DLG5: variants seen among roughly 807,000 people sequenced by gnomAD.
DLG5 encodes disks large homolog 5.
In DLG5, 48 loss-of-function variants were observed where a neutral mutation model predicts 189.8. The observed-to-expected ratio is 0.25, with a 90% CI of 0.20 to 0.32. The LOEUF (loss-of-function observed/expected upper bound fraction) is 0.32, where lower values mean the gene tolerates loss of function less well. Ranked by LOEUF, DLG5 falls within the 10% of genes least tolerant of loss-of-function variation. The pLI is 1.00. For missense variants in DLG5, 2,160 were observed against 2,544.7 expected (o/e 0.85, Z 3.25); for synonymous variants, 1,016 against 1,054.1 (o/e 0.96, Z 0.70).
At chr10:77,807,738 C>T (rs1459107896) in intron 25 of DLG5, 58 bp downstream of exon 25, 4 of 1,572,990 alleles carry the variant, frequency 2.5e-6, no homozygotes, top group Non-Finnish European at 3.5e-6. Context: ...AAAAGAGTCT[C>T]CAGTGAAAGC....
chr10:77,861,545 C>A (rs1043020838), intron 2 of DLG5, among the ~76,000 whole-genome samples: 4 of 152,188 alleles, frequency 2.6e-5, no homozygotes, highest in Non-Finnish European at 5.9e-5. Context: ...TCTCAGTCTA[C>A]AGCCATGAGG....
chr10:77,833,422 GTGTCTCTTCC>G (rs1200502872), intron 9 of DLG5, among the ~76,000 whole-genome samples: 1 of 152,224 alleles, frequency 6.6e-6, no homozygotes, highest in Non-Finnish European at 1.5e-5. Flanking sequence ...ACCTTGGTCT[GTGTCTCTTCC>G]TGCGCACTGT....
chr10:77,874,294 G>C (rs537564074), intron 1 of DLG5, among the ~76,000 whole-genome samples: 1 of 152,256 alleles, frequency 6.6e-6, no homozygotes, highest in South Asian at 2.1e-4. Context: ...GCTGTGTGCT[G>C]TTAGGTAAGT....
At chr10:77,839,298 C>T (rs1167346288) in intron 7 of DLG5, among the ~76,000 whole-genome samples, 2 of 152,060 alleles carry the variant, frequency 1.3e-5, no homozygotes, top group African/African-American at 2.4e-5. Flanking sequence ...GTCAGGAATT[C>T]GAGACTAGCC....
chr10:77,860,131 C>A (rs1453155937), intron 2 of DLG5, among the ~76,000 whole-genome samples: 1 of 152,238 alleles, frequency 6.6e-6, no homozygotes, highest in East Asian at 1.9e-4. Context: ...ACATCGTCCC[C>A]ATTTCACAGG....
intron 9 of DLG5, among the ~76,000 whole-genome samples, chr10:77,831,960 C>A (rs1842913589): frequency 6.6e-6 from 1 of 152,236 alleles, no homozygotes. Context: ...GTAATCCCAG[C>A]ACTTCAGGAG....
At position 77,807,006 on chromosome 10, in the gene DLG5, C is replaced by T. The variant is rs553972441; in HGVS notation, c.4797-78G>A. 1.4e-5 allele frequency: 21 copies of T among 1,515,344 alleles called. No homozygotes were observed. In the East Asian group the frequency reaches 4.4e-4, roughly 31 times the overall value. The allele number at this position is 1,515,344 out of a possible 1,614,324, so 93.9% of individuals were successfully genotyped here. On this transcript the variant is annotated intron_variant, in intron 25 of 31. Transcript: ENST00000372391. ...GAACCAGGTGCCTTCTGTGGCCAGG[C>T]CCCTAAGGCTGCCATTCTGCTTTGG...
chr10:77,814,501 A>G (rs1385724224), intron 20 of DLG5, among the ~76,000 whole-genome samples: 13 of 113,676 alleles, frequency 1.1e-4, no homozygotes, highest in Non-Finnish European at 2.2e-4. Context: ...ATATATATAT[A>G]TATATCCAAA....
chr10:77,940,613 G>A, the DLG5 span, among the ~76,000 whole-genome samples: 1 of 152,104 alleles, frequency 6.6e-6, no homozygotes, highest in Non-Finnish European at 1.5e-5. Flanking sequence ...TACATGCCCA[G>A]TTCCTTCATT....
intron 1 of DLG5, among the ~76,000 whole-genome samples, chr10:77,902,865 AT>A (rs1845969166): frequency 9.5e-6 from 1 of 105,414 alleles, no homozygotes; most frequent in Admixed American, 9.5e-5. Flanking sequence ...ATCTCAAAAA[AT>A]AAATAAAAAA....
chr10:77,902,086 G>T (rs143554663), intron 1 of DLG5, among the ~76,000 whole-genome samples: 1 of 152,320 alleles, frequency 6.6e-6, no homozygotes, highest in South Asian at 2.1e-4. Context: ...CTCTCCCTTA[G>T]AGGGAACAGA....
chr10:77,824,426 C>T lies in DLG5; in HGVS notation c.2340G>A (p.Leu780=). 2 of 1,614,080 alleles carry T rather than the reference C, an allele frequency of 1.2e-6. No individual in the cohort carries two copies. The highest frequency in any genetic ancestry group is 1.7e-6 in the Non-Finnish European group (2 of 1,179,978). Residue 780 remains leucine, a synonymous_variant, in exon 14 of 32, where the codon CTG becomes CTA. Transcript: ENST00000372391. ...TCAGGGAGTCCTGGCAGCTGCGCAG[C>T]AGAGATTCACATTCATTCAGAGACT... ...DNKSLNECES[L]LRSCQDSLTL... is the part of the protein sequence containing the mutation.
intron 27 of DLG5, among the ~76,000 whole-genome samples, chr10:77,799,525 C>T (rs1841093908): frequency 6.6e-6 from 1 of 152,192 alleles, no homozygotes; most frequent in South Asian, 2.1e-4. Flanking sequence ...CACACTGGCA[C>T]CCAGATCTCG....
In DLG5 at chr10:77,821,538, G is replaced by A. The variant is rs756205792; in HGVS notation, c.2946C>T (p.Pro982=). Residue 982 remains proline (P), a synonymous_variant, in exon 15 of 32, where the codon CCC becomes CCT. Coordinates refer to ENST00000372391, the MANE Select transcript of DLG5 (RefSeq NM_004747.4). ...SIFDPNTFKR[P]QTPPKIDYLL... ...GGTAGTCTATTTTGGGGGGTGTCTG[G>A]GGGCGTTTGAAAGTGTTAGGGTCAA... The A allele has an allele frequency of 6.2e-7, 1 of 1,612,868 alleles. No homozygotes were observed. The highest frequency in any genetic ancestry group is 8.5e-7 in the Non-Finnish European group (1 of 1,180,008).
At chr10:77,792,880 C>A (rs1011813719) in intron 31 of DLG5, 3 of 318,164 alleles carry the variant, frequency 9.4e-6, no homozygotes, top group Non-Finnish European at 1.8e-5. Context: ...CAGGAAACGA[C>A]AAGTTTAAGG....
Position 77,792,521 on chromosome 10 carries a change from C to T in DLG5, c.5679G>A (p.Leu1893=), listed in dbSNP as rs1840688917. 1 of 1,614,196 alleles carries T rather than the reference C, an allele frequency of 6.2e-7. No homozygotes were observed. Among genetic ancestry groups the T allele is most frequent in the Non-Finnish European group, 8.5e-7 (1 of 1,180,040 alleles). ...YFTGVIQGGA[L]SSICTQILAM... ...CCAAGATCTGAGTGCAAATGCTTGA[C>T]AGGGCTCCTCCCTGGATGACCCCTG... The change falls in exon 32 of 32, where the codon CTG becomes CTA. Residue 1893 remains leucine, a synonymous_variant. Transcript: ENST00000372391.
intron 5 of DLG5, among the ~76,000 whole-genome samples, chr10:77,852,352 C>A (rs2154576638): frequency 6.6e-6 from 1 of 152,190 alleles, no homozygotes; most frequent in East Asian, 1.9e-4. Flanking sequence ...GCCTGGGCGA[C>A]AGAGCGAACT....
intron 27 of DLG5, among the ~76,000 whole-genome samples, chr10:77,801,354 G>A (rs1255023018): frequency 3.3e-5 from 5 of 152,116 alleles, no homozygotes; most frequent in Admixed American, 6.5e-5. Flanking sequence ...CAGAAGAGTG[G>A]AATAATGAAC....
chr10:77,924,522 A>G (rs966090013), intron 1 of DLG5, among the ~76,000 whole-genome samples: 1 of 152,232 alleles, frequency 6.6e-6, no homozygotes, highest in Non-Finnish European at 1.5e-5. Flanking sequence ...GTGCTTTACG[A>G]AAGACTTTCA....
Sources: allele counts gnomAD v4.1 joint callset (sites outside exome capture counted in the v4.1 genomes callset), GRCh38; gene constraint gnomAD v4.1.1; transcripts MANE v1.5; gene names NCBI Gene and HGNC (gene_info 2026-07-23, HGNC 2026-07-21).